PRORP: variants seen among roughly 807,000 people sequenced by gnomAD.
The protein encoded by PRORP is mitochondrial ribonuclease P catalytic subunit.
A neutral mutation model predicts 59.4 loss-of-function variants in PRORP; 51 were observed. That is an observed-to-expected ratio of 0.86 (90% confidence interval 0.69 to 1.08). The LOEUF is 1.08. Ranked by LOEUF, PRORP falls within the 50% of genes least tolerant of loss-of-function variation. The probability of loss-of-function intolerance (pLI) is 0.00; values close to 1 mark genes in which losing one functional copy is unlikely to be tolerated. For missense variants in PRORP, 646 were observed against 690.3 expected (o/e 0.94, Z 0.72); for synonymous variants, 231 against 245.6 (o/e 0.94, Z 0.55).
intron 4 of PRORP, chr14:35,159,039 A>G (rs1329588996): frequency 1.1e-5 from 3 of 285,256 alleles, no homozygotes; most frequent in African/African-American, 2.3e-5. Context: ...GAAGAAATCC[A>G]CAGAAGAACC....
chr14:35,272,681 A>C (rs554348061), intron 7 of PRORP, among the ~76,000 whole-genome samples: 2 of 152,328 alleles, frequency 1.3e-5, no homozygotes, highest in South Asian at 2.1e-4. Context: ...GTATGGATGA[A>C]ATAAGACTAG....
chr14:35,181,288 T>C (rs2048599524), intron 5 of PRORP, among the ~76,000 whole-genome samples: 1 of 152,208 alleles, frequency 6.6e-6, no homozygotes, highest in South Asian at 2.1e-4. Context: ...AATAAGACTA[T>C]CATTTTTCAT....
intron 5 of PRORP, among the ~76,000 whole-genome samples, chr14:35,212,208 C>T (rs1029398232): frequency 2.0e-5 from 3 of 152,140 alleles, no homozygotes; most frequent in African/African-American, 7.2e-5. Flanking sequence ...CAACTTCCTC[C>T]ACTGAATTTT....
At chr14:35,246,393 C>T (rs867025319) in intron 5 of PRORP, among the ~76,000 whole-genome samples, 4 of 152,166 alleles carry the variant, frequency 2.6e-5, no homozygotes, top group Admixed American at 6.5e-5. Context: ...GCAAGGGTAT[C>T]TGAGTCTAGG....
At chr14:35,237,797 C>T (rs1361203730) in intron 5 of PRORP, among the ~76,000 whole-genome samples, 6 of 151,834 alleles carry the variant, frequency 4.0e-5, no homozygotes, top group African/African-American at 9.7e-5. Flanking sequence ...GGACTACAGG[C>T]GTATGCCACC....
intron 5 of PRORP, among the ~76,000 whole-genome samples, chr14:35,262,125 TAAGC>T (rs2050920512): frequency 1.3e-5 from 2 of 152,304 alleles, no homozygotes; most frequent in South Asian, 4.1e-4. Flanking sequence ...CCTGAAAACT[TAAGC>T]AATCAGTATC....
At chr14:35,146,083 G>A (rs142599204) in intron 4 of PRORP, among the ~76,000 whole-genome samples, 2,190 of 151,922 alleles carry the variant, frequency 0.014, 40 homozygotes, top group African/African-American at 0.047. Context: ...CGCCCGCCTC[G>A]GCCTCCCAAA....
At chr14:35,173,179 A>ATT (rs1004469599) in intron 4 of PRORP, among the ~76,000 whole-genome samples, 1 of 152,044 alleles carries the variant, frequency 6.6e-6, no homozygotes, top group African/African-American at 2.4e-5. Context: ...AGATTAGTTT[A>ATT]TTTTGAATCC....
At chr14:35,128,744 G>T (rs1413694652) in intron 4 of PRORP, among the ~76,000 whole-genome samples, 2 of 151,980 alleles carry the variant, frequency 1.3e-5, no homozygotes, top group Non-Finnish European at 2.9e-5. Context: ...TCTGGCTAAA[G>T]GTTTATCAAT....
At chr14:35,221,896 T>G (rs752494369) in intron 5 of PRORP, among the ~76,000 whole-genome samples, 6 of 152,246 alleles carry the variant, frequency 3.9e-5, no homozygotes, top group Non-Finnish European at 8.8e-5. Flanking sequence ...CAAGCTTTCT[T>G]TTTGGTATCT....
At position 35,141,947 on chromosome 14, in the gene PRORP, C is replaced by T. The variant is rs1382598930; in HGVS notation, c.1167+14336C>T. On this transcript the variant is annotated intron_variant, in intron 4 of 7. Coordinates refer to ENST00000534898, the MANE Select transcript of PRORP (RefSeq NM_014672.4). ...AGGCTGGAGTGCAATGGCACGATTTCGGCTCACTGCAACCTCTGCCTCCTG... is the reference window on the plus strand; with the variant it reads ...AGGCTGGAGTGCAATGGCACGATTTTGGCTCACTGCAACCTCTGCCTCCTG... Among the ~76,000 whole-genome samples, 6 of 144,754 alleles carry T rather than the reference C, an allele frequency of 4.1e-5. 2 individuals carry two copies. The highest frequency in any genetic ancestry group is 2.9e-4 in the Admixed American group (4 of 13,876). The allele number at this position is 144,754 out of a possible 152,430, so 95.0% of individuals were successfully genotyped here. A position where few individuals can be genotyped will look rare whatever the true frequency, so the allele number is the denominator to read the frequency against.
intron 3 of PRORP, 48 bp downstream of exon 3, chr14:35,126,830 G>GT: frequency 7.2e-7 from 1 of 1,396,800 alleles, no homozygotes; most frequent in African/African-American, 1.4e-5. Context: ...GGTTTAGTAG[G>GT]TTTTGTTGCT....
chr14:35,152,124 G>A (rs1387677197), intron 4 of PRORP, among the ~76,000 whole-genome samples: 2 of 151,892 alleles, frequency 1.3e-5, no homozygotes, highest in African/African-American at 4.8e-5. Context: ...ATTAGGGAGT[G>A]GTGATGACTC....
In PRORP at chr14:35,236,187, A is replaced by C. The variant is rs573957696; in HGVS notation, c.1276-30540A>C. On this transcript the variant is annotated intron_variant, in intron 5 of 7. Transcript: ENST00000534898. ...CATAGCTAGTAAATGGCAAAGTAAC[A>C]GGATTAGACATGTCTCATTCCAAAT... 2.0e-5 allele frequency among the ~76,000 whole-genome samples: 3 copies of C among 152,142 alleles called. No individual in the cohort carries two copies. In the East Asian group the frequency reaches 5.8e-4, roughly 29 times the overall value.
intron 5 of PRORP, among the ~76,000 whole-genome samples, chr14:35,187,144 CAT>C (rs2048761252): frequency 6.6e-6 from 1 of 152,130 alleles, no homozygotes. Context: ...TTTGTGTGGA[CAT>C]ATGTTTTCAT....
chr14:35,185,082 C>T (rs2048711113), intron 5 of PRORP, among the ~76,000 whole-genome samples: 1 of 152,128 alleles, frequency 6.6e-6, no homozygotes, highest in South Asian at 2.1e-4. Context: ...GCTTTTAGCA[C>T]TTTGAGAAAT....
intron 4 of PRORP, among the ~76,000 whole-genome samples, chr14:35,132,677 C>T (rs1016822962): frequency 1.1e-4 from 16 of 151,012 alleles, no homozygotes; most frequent in African/African-American, 3.4e-4. Context: ...ATCCTACCTA[C>T]TCGGGAGGCT....
chr14:35,131,837 CTTTCTTTT>C (rs929582144), intron 4 of PRORP, among the ~76,000 whole-genome samples: 1 of 149,216 alleles, frequency 6.7e-6, no homozygotes, highest in Non-Finnish European at 1.5e-5. Flanking sequence ...CTAGCCAATC[CTTTCTTTT>C]TTTCTTTTTT....
At chr14:35,177,805 C>T (rs2139024984) in intron 4 of PRORP, among the ~76,000 whole-genome samples, 1 of 152,134 alleles carries the variant, frequency 6.6e-6, no homozygotes, top group South Asian at 2.1e-4. Flanking sequence ...TGTGTTTGCT[C>T]TTGCTTCTCT....
Sources: gnomAD v4.1 joint callset for allele counts (sites outside exome capture counted in the v4.1 genomes callset) on GRCh38, gnomAD v4.1.1 for gene constraint, MANE v1.5 for transcripts, NCBI Gene and HGNC (gene_info 2026-07-23, HGNC 2026-07-21) for gene names.